ROR1: variants seen among roughly 807,000 people sequenced by gnomAD.
The protein encoded by ROR1 is ROR family WNT receptor 1, also known as inactive tyrosine-protein kinase transmembrane receptor ROR1.
A neutral mutation model predicts 78.8 loss-of-function variants in ROR1; 19 were observed. The observed-to-expected ratio is 0.24, with a 90% CI of 0.17 to 0.35. The LOEUF (loss-of-function observed/expected upper bound fraction) is 0.35. ROR1 is among the 10% of genes least tolerant of loss of function. The probability of loss-of-function intolerance (pLI) is 1.00; values close to 1 mark genes in which losing one functional copy is unlikely to be tolerated. For synonymous variants in ROR1, 386 were observed against 433.6 expected (o/e 0.89, Z 1.36); for missense variants, 917 against 1,177.8 (o/e 0.78, Z 3.24).
At chr1:63,794,612 T>C (rs1354427587) in intron 1 of ROR1, among the ~76,000 whole-genome samples, 1 of 152,168 alleles carries the variant, frequency 6.6e-6, no homozygotes, top group Non-Finnish European at 1.5e-5. Flanking sequence ...GCTAGACTGC[T>C]AGCAGGACCG....
chr1:63,902,863 C>T (rs1288674063), intron 1 of ROR1, among the ~76,000 whole-genome samples: 2 of 152,126 alleles, frequency 1.3e-5, no homozygotes, highest in Admixed American at 6.5e-5. Context: ...TTTCTGTTTC[C>T]GCCAGTCATC....
intron 4 of ROR1, among the ~76,000 whole-genome samples, chr1:64,073,364 T>C (rs1262614885): frequency 1.3e-5 from 2 of 152,104 alleles, no homozygotes; most frequent in African/African-American, 2.4e-5. Context: ...TTCTCCATGG[T>C]AAATGCAAGT....
At chr1:63,955,316 A>C (rs1645972290) in intron 1 of ROR1, among the ~76,000 whole-genome samples, 1 of 152,204 alleles carries the variant, frequency 6.6e-6, no homozygotes, top group Non-Finnish European at 1.5e-5. Flanking sequence ...GAGTTTGCTA[A>C]TATAAGCATA....
chr1:63,840,040 C>T (rs1645040111), intron 1 of ROR1, among the ~76,000 whole-genome samples: 1 of 152,092 alleles, frequency 6.6e-6, no homozygotes, highest in Non-Finnish European at 1.5e-5. Flanking sequence ...TGCTTATGAA[C>T]AGTAGGAAAT....
intron 4 of ROR1, among the ~76,000 whole-genome samples, chr1:64,080,884 A>G (rs2100631310): frequency 6.6e-6 from 1 of 152,322 alleles, no homozygotes; most frequent in Non-Finnish European, 1.5e-5. Flanking sequence ...CGGTGGTATG[A>G]AAGCAACTGT....
intron 1 of ROR1, among the ~76,000 whole-genome samples, chr1:63,862,647 A>G (rs1336508528): frequency 6.6e-6 from 1 of 152,062 alleles, no homozygotes; most frequent in African/African-American, 2.4e-5. Flanking sequence ...TTCAAGCCAC[A>G]TACTGCCTCT....
intron 7 of ROR1, among the ~76,000 whole-genome samples, chr1:64,156,458 C>T (rs1649773699): frequency 6.6e-6 from 1 of 152,038 alleles, no homozygotes; most frequent in African/African-American, 2.4e-5. Flanking sequence ...TCTGTAATCC[C>T]AGCACTTTGG....
At position 63,957,485 on chromosome 1, in the gene ROR1, G is replaced by A. The variant is rs1361119182; in HGVS notation, c.92-51820G>A. ...TCCTTCTCCTGTTGCCCCAACAACA[G>A]AGGATGAGGACCCCCCCTTGCATCC... On this transcript the variant is annotated intron_variant, in intron 1 of 8. Coordinates refer to ENST00000371079, the MANE Select transcript of ROR1 (RefSeq NM_005012.4). Among the ~76,000 whole-genome samples the A allele has an allele frequency of 3.9e-5, 6 of 152,296 alleles. No homozygotes were observed. In the East Asian group the frequency reaches 9.7e-4, roughly 25 times the overall value.
In ROR1 at chr1:64,049,866, C is replaced by A; in HGVS notation, c.339C>A (p.Gly113=). ...TCTCCTTTCGGTCCACCATCTATGG[C>A]TCTCGGCTGCGGATTAGAAACCTCG... ...RRLSFRSTIY[G]SRLRIRNLDT... The change falls in exon 3 of 9, where the codon GGC becomes GGA. Residue 113 remains glycine (G), a synonymous_variant. Transcript: ENST00000371079. The A allele has an allele frequency of 1.9e-6, 3 of 1,614,224 alleles. No homozygotes were observed. The highest frequency in any genetic ancestry group is 2.5e-6 in the Non-Finnish European group (3 of 1,180,036).
At chr1:63,948,712 G>A (rs1645910383) in intron 1 of ROR1, among the ~76,000 whole-genome samples, 1 of 152,152 alleles carries the variant, frequency 6.6e-6, no homozygotes, top group South Asian at 2.1e-4. Flanking sequence ...AGGTCATGAG[G>A]ACAAAGCCCT....
intron 1 of ROR1, among the ~76,000 whole-genome samples, chr1:63,887,212 T>G (rs1443153108): frequency 1.4e-5 from 1 of 70,292 alleles, no homozygotes; most frequent in East Asian, 5.9e-4. Flanking sequence ...CTGTTTTGTT[T>G]TGCGTTTTGG....
intron 8 of ROR1, among the ~76,000 whole-genome samples, chr1:64,164,906 A>G (rs148405289): frequency 6.6e-6 from 1 of 152,308 alleles, no homozygotes; most frequent in Non-Finnish European, 1.5e-5. Context: ...AGCTCCATCC[A>G]TGTCCCTGCA....
chr1:64,111,465 T>C (rs909697792), intron 4 of ROR1: 1 of 152,206 alleles, frequency 6.6e-6, no homozygotes, highest in Non-Finnish European at 1.5e-5. Flanking sequence ...TCCCATAATC[T>C]AAACTGATTT....
intron 7 of ROR1, among the ~76,000 whole-genome samples, chr1:64,155,477 G>T (rs1376069696): frequency 3.5e-5 from 3 of 85,658 alleles, no homozygotes; most frequent in South Asian, 4.2e-4. Flanking sequence ...AAAGACACTG[G>T]GCCCCTTGTG....
intron 1 of ROR1, among the ~76,000 whole-genome samples, chr1:63,974,984 C>T (rs948735165): frequency 6.6e-6 from 1 of 152,182 alleles, no homozygotes; most frequent in African/African-American, 2.4e-5. Context: ...GGATTGCACT[C>T]AAAGACTTAC....
intron 4 of ROR1, among the ~76,000 whole-genome samples, chr1:64,104,547 A>G (rs1320669424): frequency 6.6e-6 from 1 of 151,808 alleles, no homozygotes; most frequent in Non-Finnish European, 1.5e-5. Context: ...GATTTGTTAC[A>G]CAGGCATACA....
At chr1:64,027,085 G>C (rs1039811059) in intron 2 of ROR1, among the ~76,000 whole-genome samples, 1 of 152,134 alleles carries the variant, frequency 6.6e-6, no homozygotes, top group African/African-American at 2.4e-5. Flanking sequence ...TAGCCTTTCA[G>C]ACCTTGTCTG....
At chr1:64,082,358 A>AGGGTAAT (rs1647110200) in intron 4 of ROR1, among the ~76,000 whole-genome samples, 1 of 152,222 alleles carries the variant, frequency 6.6e-6, no homozygotes, top group Non-Finnish European at 1.5e-5. Context: ...GTACAAGATG[A>AGGGTAAT]GGGTAATGGA....
At chr1:64,010,235 C>G (rs932528960) in intron 2 of ROR1, among the ~76,000 whole-genome samples, 1 of 117,958 alleles carries the variant, frequency 8.5e-6, no homozygotes, top group Non-Finnish European at 1.9e-5. Context: ...TGGCCTTTCC[C>G]TCTTTGAAAC....
Sources: gnomAD v4.1 joint callset for allele counts (sites outside exome capture counted in the v4.1 genomes callset) on GRCh38, gnomAD v4.1.1 for gene constraint, MANE v1.5 for transcripts, NCBI Gene and HGNC (gene_info 2026-07-23, HGNC 2026-07-21) for gene names.